Variants in PSMA8 observed in about 807,000 individuals in gnomAD.
The protein encoded by PSMA8 is proteasome subunit alpha-type 8.
In PSMA8, 18 loss-of-function variants were observed where a neutral mutation model predicts 32.4. The ratio of observed to expected loss-of-function variants is 0.56; its 90% CI spans 0.38 to 0.82. The LOEUF is 0.82. PSMA8 is among the 40% of genes least tolerant of loss of function. PSMA8 has a pLI of 0.00. For missense variants in PSMA8, 298 were observed against 300.7 expected, an observed-to-expected ratio of 0.99 and a Z score of 0.07; for synonymous variants, 104 against 98.1, an observed-to-expected ratio of 1.06 and a Z score of -0.36.
intron 4 of PSMA8, among the ~76,000 whole-genome samples, chr18:26,162,270 T>C (rs1375280087): frequency 6.6e-6 from 1 of 151,740 alleles, no homozygotes; most frequent in Non-Finnish European, 1.5e-5. Flanking sequence ...TTATTTCTCC[T>C]GACTGAAACT....
rs117128892 is a variant in PSMA8 at position 26,141,975 on chromosome 18, C to T, written c.103-2584C>T. ...TGCTGGGATTACAGGCATGAGCCACCATGCTCAGCCAGGCCTAGTTCTACA... is the reference window on the plus strand; with the variant it reads ...TGCTGGGATTACAGGCATGAGCCACTATGCTCAGCCAGGCCTAGTTCTACA... On this transcript the variant is annotated intron_variant, in intron 1 of 6. Transcript: ENST00000415576. Among the ~76,000 whole-genome samples, 94 of 151,824 alleles carry T rather than the reference C, an allele frequency of 6.2e-4. No homozygotes were observed. The East Asian group carries it at 0.015, about 24-fold the overall frequency.
At chr18:26,145,626 C>T (rs2054996675) in intron 2 of PSMA8, among the ~76,000 whole-genome samples, 1 of 152,108 alleles carries the variant, frequency 6.6e-6, no homozygotes, top group Non-Finnish European at 1.5e-5. Flanking sequence ...TAATATATAA[C>T]CCTTTCAGAT....
chr18:26,166,454 A>G (rs1040673391), intron 4 of PSMA8, among the ~76,000 whole-genome samples: 1 of 152,236 alleles, frequency 6.6e-6, no homozygotes, highest in African/African-American at 2.4e-5. Context: ...TTTGCAATTA[A>G]AAACTCAATA....
At chr18:26,173,204 T>C (rs989352260) in intron 4 of PSMA8, among the ~76,000 whole-genome samples, 1 of 152,160 alleles carries the variant, frequency 6.6e-6, no homozygotes, top group Non-Finnish European at 1.5e-5. Context: ...CGAAGCTTAT[T>C]AACTCCTCCG....
intron 1 of PSMA8, among the ~76,000 whole-genome samples, chr18:26,138,590 T>C (rs1016162544): frequency 2.7e-5 from 4 of 150,674 alleles, no homozygotes; most frequent in Admixed American, 2.6e-4. Context: ...CTTTATTTTC[T>C]TCTTCTTCTT....
intron 4 of PSMA8, among the ~76,000 whole-genome samples, chr18:26,163,698 C>A (rs1450331837): frequency 1.3e-5 from 2 of 152,078 alleles, no homozygotes; most frequent in Admixed American, 6.6e-5. Context: ...GGCTAGAAAG[C>A]CTTGGATAGG....
chr18:26,163,357 T>G (rs2144316714), intron 4 of PSMA8, among the ~76,000 whole-genome samples: 1 of 151,028 alleles, frequency 6.6e-6, no homozygotes, highest in East Asian at 2.0e-4. Flanking sequence ...AGGAGACATT[T>G]GAACAGAGAC....
intron 1 of PSMA8, among the ~76,000 whole-genome samples, chr18:26,142,036 A>ATTT (rs2054961999): frequency 7.8e-6 from 1 of 128,054 alleles, no homozygotes; most frequent in African/African-American, 3.7e-5. Flanking sequence ...CAATAATGCT[A>ATTT]ATTTTTTTTT....
At chr18:26,156,758 C>T (rs1265386028) in intron 3 of PSMA8, among the ~76,000 whole-genome samples, 1 of 148,896 alleles carries the variant, frequency 6.7e-6, no homozygotes, top group Non-Finnish European at 1.5e-5. Flanking sequence ...ATAATATATA[C>T]ACATACAGAG....
Position 26,133,961 on chromosome 18 carries a change from G to C in PSMA8, c.-5G>C. 6.2e-7 allele frequency: 1 copy of C among 1,612,994 alleles called. No homozygotes were observed. Among genetic ancestry groups the C allele is most frequent in the African/African-American group, 1.3e-5 (1 of 75,036 alleles). On this transcript the variant is annotated 5_prime_UTR_variant, in exon 1 of 7. Coordinates refer to ENST00000415576, the MANE Select transcript of PSMA8 (RefSeq NM_001025096.2). ...CTCGGTGGCAAGCCCTTGTAGTCCT[G>C]TGCGATGGCGTCTCGATATGACAGG...
chr18:26,171,985 C>A (rs190193620), intron 4 of PSMA8, among the ~76,000 whole-genome samples: 1 of 152,274 alleles, frequency 6.6e-6, no homozygotes, highest in East Asian at 1.9e-4. Flanking sequence ...TGGTTGAATG[C>A]TGTGAACAAA....
intron 3 of PSMA8, among the ~76,000 whole-genome samples, chr18:26,157,542 T>A (rs1418130357): frequency 6.6e-6 from 1 of 152,160 alleles, no homozygotes; most frequent in Non-Finnish European, 1.5e-5. Flanking sequence ...TACAATTGGT[T>A]TCCAGTGACC....
At chr18:26,163,479 G>A (rs963258172) in intron 4 of PSMA8, among the ~76,000 whole-genome samples, 7 of 152,022 alleles carry the variant, frequency 4.6e-5, no homozygotes, top group Admixed American at 3.3e-4. Context: ...ATAAAAAATA[G>A]CAACTAGGCT....
At chr18:26,166,509 T>G (rs896821541) in intron 4 of PSMA8, among the ~76,000 whole-genome samples, 3 of 152,194 alleles carry the variant, frequency 2.0e-5, no homozygotes, top group Non-Finnish European at 4.4e-5. Flanking sequence ...CCATAAAGAT[T>G]GTTAGTTTTA....
At chr18:26,167,223 G>T (rs2055187450) in intron 4 of PSMA8, among the ~76,000 whole-genome samples, 2 of 152,274 alleles carry the variant, frequency 1.3e-5, no homozygotes, top group South Asian at 4.1e-4. Context: ...ACACTTTTCT[G>T]AGAAGGGCAT....
At chr18:26,174,495 T>C (rs937290938) in intron 4 of PSMA8, among the ~76,000 whole-genome samples, 1 of 152,220 alleles carries the variant, frequency 6.6e-6, no homozygotes, top group Non-Finnish European at 1.5e-5. Context: ...TAAAATTAGC[T>C]CATAAAGAAC....
chr18:26,150,013 C>T (rs963535799), intron 2 of PSMA8, among the ~76,000 whole-genome samples: 1 of 152,162 alleles, frequency 6.6e-6, no homozygotes. Context: ...ACAGGTTGAA[C>T]ACACCCAATT....
chr18:26,178,864 G>A lies in PSMA8; in HGVS notation c.512G>A (p.Arg171Gln), dbSNP rs141896498. Residue 171 changes from arginine to glutamine, a missense_variant, in exon 5 of 7, where the codon CGA becomes CAA. Physicochemically the swap from Arg to Gln is conservative, Grantham distance 43. Coordinates refer to ENST00000415576, the MANE Select transcript of PSMA8 (RefSeq NM_001025096.2). ...ATAGGCCGAAGTGCTAAAACTGTTC[G>A]AGAATTTCTAGAAAAGAATTACACA... ...NAIGRSAKTV[R>Q]EFLEKNYTED... 134 of 1,613,446 alleles carry A rather than the reference G, an allele frequency of 8.3e-5. No homozygotes were observed. The highest frequency in any genetic ancestry group is 2.3e-4 in the African/African-American group (17 of 74,884).
At chr18:26,151,714 C>G (rs1484875948) in intron 2 of PSMA8, 144 bp from the exon 3 acceptor site, 1 of 607,154 alleles carries the variant, frequency 1.6e-6, no homozygotes, top group Admixed American at 3.6e-5. Flanking sequence ...GACACTTTAT[C>G]TCACAAGTCT....
Sources: gnomAD v4.1 joint callset for allele counts (sites outside exome capture counted in the v4.1 genomes callset) on GRCh38, gnomAD v4.1.1 for gene constraint, MANE v1.5 for transcripts, NCBI Gene and HGNC (gene_info 2026-07-23, HGNC 2026-07-21) for gene names.